EPB42: variants seen among roughly 807,000 people sequenced by gnomAD.
The protein encoded by EPB42 is erythrocyte membrane protein band 4.2.
Under a neutral mutation model 76.9 loss-of-function variants are expected in EPB42, and 49 were observed. That is an observed-to-expected ratio of 0.64 (90% confidence interval 0.51 to 0.81). The LOEUF (loss-of-function observed/expected upper bound fraction) is 0.81. Among genes scored for constraint, EPB42 ranks in the 30% least tolerant of loss-of-function variants. EPB42 has a pLI of 0.00. For synonymous variants in EPB42, 310 were observed against 338.4 expected (o/e 0.92, Z 0.92); for missense variants, 731 against 867.6 (o/e 0.84, Z 1.98).
chr15:43,200,014 C>A (rs2042103903), intron 12 of EPB42, among the ~76,000 whole-genome samples: 1 of 152,154 alleles, frequency 6.6e-6, no homozygotes, highest in African/African-American at 2.4e-5. Context: ...GCAGCGTGAA[C>A]ACGAACTAAT....
At chr15:43,222,598 T>C (rs995894210), upstream of EPB42, among the ~76,000 whole-genome samples, 2 of 152,182 alleles carry the variant, frequency 1.3e-5, no homozygotes, top group African/African-American at 4.8e-5. Context: ...GTAAACTGAT[T>C]CTAAGGTTCA....
In EPB42 at chr15:43,197,311, T is replaced by C. The variant is rs2042052149; in HGVS notation, c.2067A>G (p.Leu689=). ...TGATAGAGCTGGAAGTTTAAGCTGA[T>C]AGTTCAGGGGCTACCACGGTGACGC... is the stretch of plus-strand genomic sequence containing the variant. ...YKSVTVVAPE[L]SA Residue 689 remains leucine, a synonymous_variant, in exon 13 of 13, where the codon CTA becomes CTG. Transcript: ENST00000441366. 1.2e-6 allele frequency: 2 copies of C among 1,614,078 alleles called. No individual in the cohort carries two copies. The highest frequency in any genetic ancestry group is 1.3e-5 in the African/African-American group (1 of 74,940).
chr15:43,223,889 G>A (rs574573712), upstream of EPB42, among the ~76,000 whole-genome samples: 2 of 152,110 alleles, frequency 1.3e-5, no homozygotes, highest in South Asian at 2.1e-4. Flanking sequence ...CATGAAAATC[G>A]CTTGACCTGG....
intron 1 of EPB42, among the ~76,000 whole-genome samples, chr15:43,218,151 G>A (rs903043665): frequency 6.6e-6 from 1 of 152,092 alleles, no homozygotes; most frequent in Non-Finnish European, 1.5e-5. Context: ...AACCAAAAAC[G>A]ATTCCTCTTT....
intron 11 of EPB42, 137 bp downstream of exon 11, chr15:43,202,978 G>A (rs2042148415): frequency 9.2e-7 from 1 of 1,086,058 alleles, no homozygotes; most frequent in African/African-American, 1.5e-5. Flanking sequence ...GTCTTTCAAG[G>A]GAAGGAGCTC....
intron 6 of EPB42, 42 bp from the exon 7 acceptor site, chr15:43,208,817 C>G: frequency 6.2e-7 from 1 of 1,605,776 alleles, no homozygotes; most frequent in Non-Finnish European, 8.5e-7. Context: ...GCTTGAGAGA[C>G]CGGGCTGGGG....
In EPB42 at chr15:43,203,166, G is replaced by C; in HGVS notation, c.1728C>G (p.Ser576Arg). ...AMATHSESNL[S>R]CFAQEDIAIC... is the part of the protein sequence containing the mutation. ...TGGCAATGTCTTCCTGAGCAAAGCA[G>C]CTAAGGTTGGATTCAGAGTGTGTTG... is the stretch of plus-strand genomic sequence containing the variant. Residue 576 changes from serine to arginine, a missense_variant, in exon 11 of 13, where the codon AGC becomes AGG. Coordinates refer to ENST00000441366, the MANE Select transcript of EPB42 (RefSeq NM_001114134.2). The C allele has an allele frequency of 6.2e-7, 1 of 1,614,142 alleles. No homozygotes were observed. Among genetic ancestry groups the C allele is most frequent in the Non-Finnish European group, 8.5e-7 (1 of 1,180,040 alleles).
chr15:43,210,847 T>C (rs1314388014), intron 4 of EPB42, among the ~76,000 whole-genome samples: 5 of 152,214 alleles, frequency 3.3e-5, no homozygotes, highest in Non-Finnish European at 7.3e-5. Flanking sequence ...GGTTTAGGAC[T>C]GGAGATGGAC....
At chr15:43,207,109 CTCTT>C in intron 9 of EPB42, 86 bp downstream of exon 9, 2 of 1,578,824 alleles carry the variant, frequency 1.3e-6, no homozygotes, top group Non-Finnish European at 8.6e-7. Context: ...AAGGACAAGT[CTCTT>C]TCTGGCTGCA....
Position 43,203,320 on chromosome 15 carries a change from C to T in EPB42, c.1619-45G>A, listed in dbSNP as rs531690568. 68 of 1,612,060 alleles carry T rather than the reference C, an allele frequency of 4.2e-5. 1 individual carries two copies. The South Asian group carries it at 7.4e-4, about 17-fold the overall frequency. On this transcript the variant is annotated intron_variant, in intron 10 of 12. Coordinates refer to ENST00000441366, the MANE Select transcript of EPB42 (RefSeq NM_001114134.2). Reference sequence around the variant, plus strand: ...GAGTCAGTGGCAACAGGTGTATGTACCCCAGAAACAGCCATAGTTACACAC... The same window carrying T: ...GAGTCAGTGGCAACAGGTGTATGTATCCCAGAAACAGCCATAGTTACACAC...
At chr15:43,211,570 G>T in intron 3 of EPB42, 36 bp from the exon 4 acceptor site, 1 of 1,368,264 alleles carries the variant, frequency 7.3e-7, no homozygotes, top group Non-Finnish European at 1.0e-6. Context: ...GGCCTGTGGG[G>T]GTCCTAGGTC....
upstream of EPB42, among the ~76,000 whole-genome samples, chr15:43,222,543 T>C (rs976893703): frequency 6.6e-6 from 1 of 152,246 alleles, no homozygotes; most frequent in Non-Finnish European, 1.5e-5. Flanking sequence ...ATCTTAAGTT[T>C]AATTCATTCC....
At chr15:43,221,881 G>C (rs562048986), upstream of EPB42, among the ~76,000 whole-genome samples, 1 of 149,396 alleles carries the variant, frequency 6.7e-6, no homozygotes, top group Non-Finnish European at 1.5e-5. Flanking sequence ...AGTGGCTCAT[G>C]CCTGTAATCC....
At chr15:43,210,514 C>T in intron 4 of EPB42, 75 bp from the exon 5 acceptor site, 1 of 1,339,938 alleles carries the variant, frequency 7.5e-7, no homozygotes, top group Non-Finnish European at 1.1e-6. Context: ...AGGTCAGGCA[C>T]TCATCCTGCA....
chr15:43,201,882 G>T lies in EPB42; in HGVS notation c.1875C>A (p.Ile625=). The T allele has an allele frequency of 6.2e-7, 1 of 1,614,148 alleles. No homozygotes were observed. The highest frequency in any genetic ancestry group is 1.1e-5 in the South Asian group (1 of 91,082). ...DAPMEDCVIS[I]LGRGLIHRER... ...CTCTGTGAATGAGCCCCCTTCCCAGGATGGAGATCACACAGTCCTCCATGG... is the reference window on the plus strand; with the variant it reads ...CTCTGTGAATGAGCCCCCTTCCCAGTATGGAGATCACACAGTCCTCCATGG... The change falls in exon 12 of 13, where the codon ATC becomes ATA. Residue 625 remains isoleucine (I), a synonymous_variant. Transcript: ENST00000441366.
At chr15:43,209,048 G>C (rs1479217564) in intron 6 of EPB42, among the ~76,000 whole-genome samples, 2 of 152,206 alleles carry the variant, frequency 1.3e-5, no homozygotes, top group Non-Finnish European at 2.9e-5. Context: ...GGTTAGGGAA[G>C]TAAGTGAATT....
At chr15:43,199,012 A>C (rs2042089255) in intron 12 of EPB42, among the ~76,000 whole-genome samples, 1 of 152,228 alleles carries the variant, frequency 6.6e-6, no homozygotes, top group Non-Finnish European at 1.5e-5. Context: ...ATATCTATGG[A>C]AATTCTGGGG....
intron 2 of EPB42, 79 bp from the exon 3 acceptor site, chr15:43,215,407 G>T: frequency 6.8e-7 from 1 of 1,464,164 alleles, no homozygotes; most frequent in Non-Finnish European, 9.6e-7. Context: ...GTATTACAAA[G>T]ATGGAGCAGG....
chr15:43,202,502 CA>C (rs1191591046), intron 11 of EPB42, among the ~76,000 whole-genome samples: 2 of 152,318 alleles, frequency 1.3e-5, no homozygotes, highest in Non-Finnish European at 1.5e-5. Flanking sequence ...CCAAACCCAC[CA>C]GCTGGAATTA....
Sources: allele counts gnomAD v4.1 joint callset (sites outside exome capture counted in the v4.1 genomes callset), GRCh38; gene constraint gnomAD v4.1.1; transcripts MANE v1.5; gene names NCBI Gene and HGNC (gene_info 2026-07-23, HGNC 2026-07-21).